ALDH1A2: variants seen among roughly 807,000 people sequenced by gnomAD.
ALDH1A2 encodes aldehyde dehydrogenase 1 family member A2.
A neutral mutation model predicts 60.3 loss-of-function variants in ALDH1A2; 27 were observed. The ratio of observed to expected loss-of-function variants is 0.45; its 90% CI spans 0.33 to 0.62. The LOEUF (loss-of-function observed/expected upper bound fraction) is 0.62. Ranked by LOEUF, ALDH1A2 falls within the 20% of genes least tolerant of loss-of-function variation. The pLI is 0.02. For synonymous variants in ALDH1A2, 289 were observed against 232.4 expected, an observed-to-expected ratio of 1.24 and a Z score of -2.21; for missense variants, 581 against 643.8, an observed-to-expected ratio of 0.90 and a Z score of 1.06.
chr15:58,022,826 C>T (rs1380129255), intron 1 of ALDH1A2, among the ~76,000 whole-genome samples: 2 of 152,172 alleles, frequency 1.3e-5, no homozygotes, highest in Non-Finnish European at 2.9e-5. Flanking sequence ...ATGCCCCATC[C>T]AACCAACACC....
chr15:58,009,153 T>TC (rs1366568396), intron 4 of ALDH1A2, among the ~76,000 whole-genome samples: 8 of 152,056 alleles, frequency 5.3e-5, no homozygotes, highest in Non-Finnish European at 1.2e-4. Flanking sequence ...CTAAATCATC[T>TC]CCATTCTCAC....
chr15:58,064,413 A>G (rs1182070070), intron 1 of ALDH1A2, among the ~76,000 whole-genome samples: 3 of 152,182 alleles, frequency 2.0e-5, no homozygotes, highest in African/African-American at 4.8e-5. Context: ...TAAAATCTCA[A>G]TATTCTGATG....
intron 3 of ALDH1A2, 65 bp downstream of exon 3, chr15:58,013,793 G>C: frequency 6.3e-7 from 1 of 1,588,354 alleles, no homozygotes; most frequent in South Asian, 1.1e-5. Context: ...TACAGCCGAA[G>C]AATGTAAATT....
At chr15:57,963,450 C>T (rs1192187164) in intron 9 of ALDH1A2, among the ~76,000 whole-genome samples, 1 of 151,466 alleles carries the variant, frequency 6.6e-6, no homozygotes, top group African/African-American at 2.4e-5. Context: ...CGCCATTCTC[C>T]TACCTCAGCC....
intron 1 of ALDH1A2, among the ~76,000 whole-genome samples, chr15:58,060,744 T>C (rs1451665142): frequency 6.6e-6 from 1 of 152,202 alleles, no homozygotes; most frequent in Non-Finnish European, 1.5e-5. Context: ...TGCAGTTGTG[T>C]TACAATAAAA....
chr15:58,012,553 A>C (rs955127651), intron 3 of ALDH1A2, among the ~76,000 whole-genome samples: 2 of 152,192 alleles, frequency 1.3e-5, no homozygotes, highest in Non-Finnish European at 2.9e-5. Context: ...TGTCTTGTGA[A>C]TCTGCAAGGA....
At chr15:58,037,602 T>C (rs568317444) in intron 1 of ALDH1A2, among the ~76,000 whole-genome samples, 2 of 151,894 alleles carry the variant, frequency 1.3e-5, no homozygotes, top group Admixed American at 1.3e-4. Context: ...ATAAATGTGA[T>C]ATTCACATTC....
At position 57,954,155 on chromosome 15, in the gene ALDH1A2, G is replaced by T. The variant is rs548007984; in HGVS notation, c.*1042C>A. The T allele has an allele frequency of 2.6e-5, 4 of 152,458 alleles. No homozygotes were observed. Among genetic ancestry groups the T allele is most frequent in the African/African-American group, 9.6e-5 (4 of 41,552 alleles). 9.4% of individuals were successfully genotyped at this position (152,458 alleles called of 1,614,324 possible). A position where few individuals can be genotyped will look rare whatever the true frequency, so the allele number is the denominator to read the frequency against. ...CAAGGTCACTGCCAATAGATACAGG[G>T]CACATTATGATAGATGTACAGTGTG... On this transcript the variant is annotated 3_prime_UTR_variant, in exon 13 of 13. Transcript: ENST00000249750.
intron 1 of ALDH1A2, among the ~76,000 whole-genome samples, chr15:58,047,723 A>G (rs1050125504): frequency 1.3e-5 from 2 of 152,010 alleles, no homozygotes; most frequent in Admixed American, 1.3e-4. Context: ...AGAGAGGGGG[A>G]AAAAACTTCT....
At chr15:57,966,135 G>C (rs1893890004) in intron 7 of ALDH1A2, among the ~76,000 whole-genome samples, 1 of 152,180 alleles carries the variant, frequency 6.6e-6, no homozygotes, top group Non-Finnish European at 1.5e-5. Context: ...AATGTAACTG[G>C]AGATTTCAAT....
chr15:58,058,828 A>G (rs116334981), intron 1 of ALDH1A2, among the ~76,000 whole-genome samples: 2,116 of 152,288 alleles, frequency 0.014, 57 homozygotes, highest in African/African-American at 0.047. Flanking sequence ...GCTTCCTTCT[A>G]TAATAAAAAT....
intron 4 of ALDH1A2, among the ~76,000 whole-genome samples, chr15:58,000,199 A>G (rs771980941): frequency 9.5e-4 from 145 of 152,064 alleles, no homozygotes; most frequent in Non-Finnish European, 1.6e-3. Context: ...ATCCAGAACT[A>G]AAATAAAATA....
chr15:58,039,434 T>C (rs1033686276), intron 1 of ALDH1A2, among the ~76,000 whole-genome samples: 3 of 151,764 alleles, frequency 2.0e-5, no homozygotes, highest in Non-Finnish European at 2.9e-5. Flanking sequence ...TGTTACAAAT[T>C]GGACAACACC....
intron 1 of ALDH1A2, chr15:58,036,549 T>C (rs146950927): frequency 6.6e-6 from 1 of 151,746 alleles, no homozygotes; most frequent in Non-Finnish European, 1.5e-5. Context: ...CAGGTTGATA[T>C]AACATGAACA....
chr15:58,031,993 C>T (rs537226768), intron 1 of ALDH1A2, among the ~76,000 whole-genome samples: 7 of 151,988 alleles, frequency 4.6e-5, no homozygotes, highest in African/African-American at 1.2e-4. Flanking sequence ...GACCCAGCCA[C>T]CCCATTACTG....
rs552181542 is a variant in ALDH1A2 at position 58,010,567 on chromosome 15, G to C, written c.493+82C>G. On this transcript the variant is annotated intron_variant, in intron 4 of 12. Coordinates refer to ENST00000249750, the MANE Select transcript of ALDH1A2 (RefSeq NM_003888.4). ...GTGTGCTCATATCTGTATTCTGTGT[G>C]ACTGCTGTTTGTGTTTGGTGGCCAA... 4 of 1,568,588 alleles carry C rather than the reference G, an allele frequency of 2.6e-6. No homozygotes were observed. In the African/African-American group the frequency reaches 5.4e-5, roughly 21 times the overall value.
At chr15:57,988,939 C>A (rs1381481863) in intron 7 of ALDH1A2, among the ~76,000 whole-genome samples, 2 of 152,086 alleles carry the variant, frequency 1.3e-5, no homozygotes, top group Non-Finnish European at 2.9e-5. Flanking sequence ...GAGGCTGAGG[C>A]TGGTGGATCA....
At chr15:58,006,711 T>TTA (rs1307932932) in intron 4 of ALDH1A2, among the ~76,000 whole-genome samples, 9 of 151,008 alleles carry the variant, frequency 6.0e-5, no homozygotes, top group Non-Finnish European at 1.3e-4. Flanking sequence ...TGGACTTTTT[T>TTA]TTTTTTTGCA....
At chr15:57,979,935 G>A (rs149240685) in intron 7 of ALDH1A2, 8 of 353,588 alleles carry the variant, frequency 2.3e-5, no homozygotes, top group Middle Eastern at 1.1e-3. Context: ...CACACTTGTC[G>A]GTTCCCAGCT....
Sources: gnomAD v4.1 joint callset for allele counts (sites outside exome capture counted in the v4.1 genomes callset) on GRCh38, gnomAD v4.1.1 for gene constraint, MANE v1.5 for transcripts, NCBI Gene and HGNC (gene_info 2026-07-23, HGNC 2026-07-21) for gene names.